Variants in GALNT1 observed in about 807,000 individuals in gnomAD.
The protein encoded by GALNT1 is GalNAc transferase 1.
A neutral mutation model predicts 65.7 loss-of-function variants in GALNT1; 17 were observed. That is an observed-to-expected ratio of 0.26 (90% CI 0.18 to 0.39). GALNT1 has a LOEUF of 0.39. GALNT1 is among the 10% of genes least tolerant of loss of function. The pLI is 1.00. For synonymous variants in GALNT1, 210 were observed against 219.7 expected (o/e 0.96, Z 0.39); for missense variants, 460 against 672.8 (o/e 0.68, Z 3.50).
At chr18:35,651,359 T>G (rs991981234) in intron 1 of GALNT1, among the ~76,000 whole-genome samples, 4 of 152,114 alleles carry the variant, frequency 2.6e-5, no homozygotes, top group Non-Finnish European at 5.9e-5. Flanking sequence ...CCCTTTACCT[T>G]GAGGAAAAAA....
chr18:35,673,994 G>A (rs916277713), intron 3 of GALNT1, among the ~76,000 whole-genome samples: 4 of 152,160 alleles, frequency 2.6e-5, no homozygotes, highest in African/African-American at 9.7e-5. Context: ...AACCTGCATA[G>A]TATATTTCTC....
At chr18:35,638,048 A>G (rs1278142634) in intron 1 of GALNT1, among the ~76,000 whole-genome samples, 1 of 152,230 alleles carries the variant, frequency 6.6e-6, no homozygotes, top group Non-Finnish European at 1.5e-5. Flanking sequence ...TCAAAATATT[A>G]CTTTTCATTG....
At chr18:35,615,633 T>C (rs1471484793) in intron 1 of GALNT1, among the ~76,000 whole-genome samples, 2 of 152,140 alleles carry the variant, frequency 1.3e-5, no homozygotes, top group Non-Finnish European at 2.9e-5. Flanking sequence ...AATACACAAG[T>C]AGAATATATT....
intron 1 of GALNT1, among the ~76,000 whole-genome samples, chr18:35,595,376 T>C (rs956195540): frequency 6.6e-6 from 1 of 152,186 alleles, no homozygotes; most frequent in African/African-American, 2.4e-5. Context: ...TGACAGTGGC[T>C]GATCCAATCA....
intron 1 of GALNT1, among the ~76,000 whole-genome samples, chr18:35,590,393 A>C (rs1166923483): frequency 6.6e-6 from 1 of 152,198 alleles, no homozygotes; most frequent in Non-Finnish European, 1.5e-5. Flanking sequence ...AAGATGTCTA[A>C]GTATTGGCTT....
intron 1 of GALNT1, among the ~76,000 whole-genome samples, chr18:35,637,335 A>G (rs1404975211): frequency 6.6e-6 from 1 of 152,240 alleles, no homozygotes; most frequent in Non-Finnish European, 1.5e-5. Flanking sequence ...TATAACTTGA[A>G]AAGTTCTGAA....
chr18:35,628,943 G>A (rs542182197), intron 1 of GALNT1, among the ~76,000 whole-genome samples: 8 of 152,184 alleles, frequency 5.3e-5, no homozygotes, highest in Non-Finnish European at 8.8e-5. Flanking sequence ...TAGCTGATTC[G>A]ATCAACTGGA....
chr18:35,680,657 C>G (rs1440713071), intron 4 of GALNT1, among the ~76,000 whole-genome samples: 22 of 152,164 alleles, frequency 1.4e-4, no homozygotes, highest in Non-Finnish European at 2.9e-5. Context: ...TACTTGATTT[C>G]AAGTTAACCT....
intron 5 of GALNT1, among the ~76,000 whole-genome samples, chr18:35,684,896 G>C (rs1237752879): frequency 2.0e-5 from 3 of 152,112 alleles, no homozygotes; most frequent in Non-Finnish European, 2.9e-5. Context: ...CAGGTGAGAA[G>C]GTTAATAGCA....
intron 1 of GALNT1, among the ~76,000 whole-genome samples, chr18:35,642,720 G>A (rs554151139): frequency 6.6e-6 from 1 of 152,108 alleles, no homozygotes; most frequent in Non-Finnish European, 1.5e-5. Context: ...CTCATCAGCA[G>A]ACTAGAAGCT....
At chr18:35,608,429 C>G (rs983600701) in intron 1 of GALNT1, among the ~76,000 whole-genome samples, 4 of 152,204 alleles carry the variant, frequency 2.6e-5, no homozygotes, top group Admixed American at 2.6e-4. Context: ...AAAGTAAACT[C>G]CCTGTTGCTT....
intron 4 of GALNT1, among the ~76,000 whole-genome samples, chr18:35,679,254 C>T (rs187392260): frequency 4.1e-4 from 62 of 152,236 alleles, no homozygotes; most frequent in Non-Finnish European, 7.9e-4. Context: ...GGTTTACTTA[C>T]GTGTCAATAT....
chr18:35,633,698 A>G (rs2047051422), intron 1 of GALNT1, among the ~76,000 whole-genome samples: 1 of 152,046 alleles, frequency 6.6e-6, no homozygotes, highest in African/African-American at 2.4e-5. Flanking sequence ...GTATTATAAT[A>G]AAAAAAATTA....
chr18:35,638,024 A>G (rs2047114587), intron 1 of GALNT1, among the ~76,000 whole-genome samples: 1 of 152,222 alleles, frequency 6.6e-6, no homozygotes, highest in Non-Finnish European at 1.5e-5. Flanking sequence ...GCTGCTTAAT[A>G]AAAAAGATTC....
At chr18:35,704,312 T>C (rs899974840) in intron 11 of GALNT1, among the ~76,000 whole-genome samples, 1 of 131,558 alleles carries the variant, frequency 7.6e-6, no homozygotes, top group South Asian at 2.2e-4. Context: ...AACAGATGAC[T>C]TTTTTTTTTT....
chr18:35,673,015 C>T (rs1181689848), intron 3 of GALNT1, among the ~76,000 whole-genome samples: 1 of 152,072 alleles, frequency 6.6e-6, no homozygotes, highest in Non-Finnish European at 1.5e-5. Context: ...AAAATATGTG[C>T]TCTGAATCAC....
At chr18:35,686,703 C>T (rs557400428) in intron 5 of GALNT1, among the ~76,000 whole-genome samples, 2 of 152,004 alleles carry the variant, frequency 1.3e-5, no homozygotes, top group African/African-American at 4.8e-5. Context: ...TAAAATCAGT[C>T]CCTTGAAGAT....
chr18:35,678,642 G>T (rs904581839), intron 4 of GALNT1, among the ~76,000 whole-genome samples: 5 of 152,050 alleles, frequency 3.3e-5, no homozygotes, highest in Non-Finnish European at 5.9e-5. Context: ...TCCTGTGTTC[G>T]CATGAGAAAA....
chr18:35,633,718 G>A (rs2047052235), intron 1 of GALNT1, among the ~76,000 whole-genome samples: 1 of 151,908 alleles, frequency 6.6e-6, no homozygotes, highest in African/African-American at 2.4e-5. Context: ...ATGTTGATTG[G>A]ACTTTATGCC....
Sources: allele counts gnomAD v4.1 joint callset (sites outside exome capture counted in the v4.1 genomes callset), GRCh38; gene constraint gnomAD v4.1.1; transcripts MANE v1.5; gene names NCBI Gene and HGNC (gene_info 2026-07-23, HGNC 2026-07-21).